CNTNAP2: variants seen among roughly 807,000 people sequenced by gnomAD.
CNTNAP2 encodes contactin-associated protein-like 2.
A neutral mutation model predicts 155.2 loss-of-function variants in CNTNAP2; 98 were observed. That is an observed-to-expected ratio of 0.63 (90% CI 0.54 to 0.75). The LOEUF is 0.75. Ranked by LOEUF, CNTNAP2 falls within the 30% of genes least tolerant of loss-of-function variation. The pLI is 0.00. For missense variants in CNTNAP2, 1,727 were observed against 1,688.1 expected (o/e 1.02, Z -0.40); for synonymous variants, 651 against 631.2 (o/e 1.03, Z -0.47).
At chr7:147,165,846 C>T (rs1802103571) in intron 8 of CNTNAP2, among the ~76,000 whole-genome samples, 1 of 152,004 alleles carries the variant, frequency 6.6e-6, no homozygotes, top group Admixed American at 6.6e-5. Flanking sequence ...TATTTTATAC[C>T]AGTACCATGC....
intron 13 of CNTNAP2, among the ~76,000 whole-genome samples, chr7:147,724,385 T>C (rs1017126496): frequency 1.3e-5 from 2 of 152,064 alleles, no homozygotes; most frequent in African/African-American, 2.4e-5. Flanking sequence ...TAAATTGAGG[T>C]AGATGGTGCA....
chr7:146,141,582 T>G (rs1011264709), intron 1 of CNTNAP2, among the ~76,000 whole-genome samples: 1 of 152,192 alleles, frequency 6.6e-6, no homozygotes, highest in African/African-American at 2.4e-5. Flanking sequence ...TTAGATTCAC[T>G]TGTGAATTAT....
chr7:147,691,033 G>A (rs1387402262), intron 13 of CNTNAP2, among the ~76,000 whole-genome samples: 63 of 152,132 alleles, frequency 4.1e-4, no homozygotes, highest in Non-Finnish European at 5.9e-5. Flanking sequence ...ATTTGTGTCT[G>A]TTAATGAGTA....
At chr7:146,280,397 GC>G (rs1226344242) in intron 1 of CNTNAP2, among the ~76,000 whole-genome samples, 3 of 151,874 alleles carry the variant, frequency 2.0e-5, no homozygotes, top group Non-Finnish European at 2.9e-5. Flanking sequence ...ACAGGTGTCT[GC>G]CCTTTTTTCA....
chr7:147,343,270 G>A (rs1049512300), intron 9 of CNTNAP2, among the ~76,000 whole-genome samples: 1 of 152,040 alleles, frequency 6.6e-6, no homozygotes, highest in Non-Finnish European at 1.5e-5. Flanking sequence ...GGTTGTCCTA[G>A]CCATAATCTT....
intron 1 of CNTNAP2, among the ~76,000 whole-genome samples, chr7:146,517,267 G>T (rs1463172932): frequency 3.9e-5 from 6 of 151,940 alleles, no homozygotes; most frequent in East Asian, 3.9e-4. Context: ...TGGGGGTCTT[G>T]GTATGTATCC....
At chr7:147,510,685 TATTA>T (rs1191673871) in intron 11 of CNTNAP2, among the ~76,000 whole-genome samples, 6 of 151,678 alleles carry the variant, frequency 4.0e-5, no homozygotes, top group Non-Finnish European at 7.4e-5. Flanking sequence ...TTTGAATTAT[TATTA>T]ATTCATAATT....
chr7:146,342,535 A>G (rs1794747206), intron 1 of CNTNAP2, among the ~76,000 whole-genome samples: 1 of 152,204 alleles, frequency 6.6e-6, no homozygotes, highest in Non-Finnish European at 1.5e-5. Context: ...TTGTATGTAT[A>G]TGCATGATAA....
intron 15 of CNTNAP2, among the ~76,000 whole-genome samples, chr7:148,072,373 C>G (rs561750433): frequency 1.3e-5 from 2 of 152,206 alleles, no homozygotes; most frequent in African/African-American, 4.8e-5. Context: ...AACTTTTCAA[C>G]TCTGCCATCA....
chr7:147,463,583 A>G (rs930500341), intron 10 of CNTNAP2, among the ~76,000 whole-genome samples: 1 of 152,166 alleles, frequency 6.6e-6, no homozygotes, highest in Non-Finnish European at 1.5e-5. Flanking sequence ...GGATCAGAAA[A>G]CTTAACTCCC....
intron 13 of CNTNAP2, among the ~76,000 whole-genome samples, chr7:147,839,095 G>A (rs1798680419): frequency 6.6e-6 from 1 of 152,142 alleles, no homozygotes; most frequent in African/African-American, 2.4e-5. Context: ...GCCAGCACAA[G>A]AGAAAAATAT....
At chr7:147,502,916 T>C (rs570439744) in intron 11 of CNTNAP2, among the ~76,000 whole-genome samples, 1 of 152,288 alleles carries the variant, frequency 6.6e-6, no homozygotes, top group Non-Finnish European at 1.5e-5. Context: ...GACTCTATTA[T>C]ACACATCAGA....
chr7:148,016,087 C>T (rs1802172157), intron 15 of CNTNAP2, among the ~76,000 whole-genome samples: 1 of 152,182 alleles, frequency 6.6e-6, no homozygotes, highest in Admixed American at 6.5e-5. Flanking sequence ...GTTCTATTTC[C>T]TTTGGGCTCC....
chr7:147,665,703 T>C (rs1795682075), intron 13 of CNTNAP2, among the ~76,000 whole-genome samples: 1 of 152,216 alleles, frequency 6.6e-6, no homozygotes, highest in African/African-American at 2.4e-5. Flanking sequence ...CTCCCACTTA[T>C]AAGTGAGAAC....
At chr7:146,823,457 C>T (rs1486501397) in intron 2 of CNTNAP2, among the ~76,000 whole-genome samples, 3 of 123,286 alleles carry the variant, frequency 2.4e-5, no homozygotes, top group African/African-American at 1.1e-4. Context: ...ACTCATTCTT[C>T]AGTATATTTA....
intron 4 of CNTNAP2, among the ~76,000 whole-genome samples, chr7:147,068,133 G>C (rs1584816241): frequency 6.6e-6 from 1 of 152,058 alleles, no homozygotes; most frequent in African/African-American, 2.4e-5. Context: ...TCAAATCTCT[G>C]TATCCTCTTT....
intron 9 of CNTNAP2, among the ~76,000 whole-genome samples, chr7:147,348,146 C>G (rs933555722): frequency 3.3e-5 from 5 of 151,796 alleles, no homozygotes; most frequent in African/African-American, 1.2e-4. Flanking sequence ...CTCAAACACA[C>G]AGATAAATAA....
At chr7:147,048,151 T>G (rs1483665937) in intron 4 of CNTNAP2, among the ~76,000 whole-genome samples, 2 of 146,220 alleles carry the variant, frequency 1.4e-5, no homozygotes, top group Non-Finnish European at 1.5e-5. Context: ...CTCGGCTCAC[T>G]GCAAGCTCTG....
intron 1 of CNTNAP2, among the ~76,000 whole-genome samples, chr7:146,622,035 C>T (rs1799326719): frequency 6.6e-6 from 1 of 151,864 alleles, no homozygotes; most frequent in African/African-American, 2.4e-5. Flanking sequence ...TTTCAGTTGC[C>T]CTGTGTCCTT....
Sources: gnomAD v4.1 joint callset for allele counts (sites outside exome capture counted in the v4.1 genomes callset) on GRCh38, gnomAD v4.1.1 for gene constraint, MANE v1.5 for transcripts, NCBI Gene and HGNC (gene_info 2026-07-23, HGNC 2026-07-21) for gene names.